Variants in CARS2 observed in about 807,000 individuals in gnomAD.
CARS2 encodes cysteinyl-tRNA synthetase 2, mitochondrial, also known as probable cysteine--tRNA ligase, mitochondrial.
Under a neutral mutation model 68.8 loss-of-function variants are expected in CARS2, and 52 were observed. The observed-to-expected ratio is 0.76, with a 90% CI of 0.61 to 0.95. The LOEUF is 0.95. Ranked by LOEUF, CARS2 falls within the 40% of genes least tolerant of loss-of-function variation. The pLI, the probability that CARS2 is intolerant of heterozygous loss-of-function variation, is 0.00. For synonymous variants in CARS2, 314 were observed against 303.6 expected (o/e 1.03, Z -0.36); for missense variants, 780 against 754.2 (o/e 1.03, Z -0.40).
At chr13:110,666,266 T>C (rs1338098410) in intron 8 of CARS2, 1 of 985,290 alleles carries the variant, frequency 1.0e-6, no homozygotes, top group Non-Finnish European at 1.2e-6. Flanking sequence ...GGCAGGCGTT[T>C]GTTCTGATTA....
In CARS2 at chr13:110,687,818, T is replaced by C; in HGVS notation, c.474A>G (p.Pro158=). 1 of 1,606,410 alleles carries C rather than the reference T, an allele frequency of 6.2e-7. No homozygotes were observed. Among genetic ancestry groups the C allele is most frequent in the Non-Finnish European group, 8.5e-7 (1 of 1,174,074 alleles). Residue 158 remains proline (P), a synonymous_variant, in exon 5 of 15, where the codon CCA becomes CCG. Coordinates refer to ENST00000257347, the MANE Select transcript of CARS2 (RefSeq NM_024537.4). ...KQDMAALKVL[P]PTVYLRVTEN... ...CGGTTACCCTCAGGTACACCGTGGG[T>C]GGGAGAACCTGCAAGGAAGTGGAGA... is the stretch of plus-strand genomic sequence containing the variant.
chr13:110,687,700 A>AG, intron 5 of CARS2, 21 bp downstream of exon 5: 1 of 1,476,660 alleles, frequency 6.8e-7, no homozygotes, highest in South Asian at 1.2e-5. Flanking sequence ...AAGAAAAAAA[A>AG]AAAAAGAACA....
Position 110,665,918 on chromosome 13 carries a change from T to C in CARS2, c.919+1422A>G. The C allele has an allele frequency of 1.0e-6, 1 of 985,380 alleles. No individual in the cohort carries two copies. The highest frequency in any genetic ancestry group is 1.7e-5 in the African/African-American group (1 of 57,334). 61.0% of individuals were successfully genotyped at this position (985,380 alleles called of 1,614,324 possible). A position where few individuals can be genotyped will look rare whatever the true frequency, so the allele number is the denominator to read the frequency against. On this transcript the variant is annotated intron_variant, in intron 8 of 14. Transcript: ENST00000257347. This position sits in a 1 kb window ranked among gnomAD's most constrained non-coding sequence, Gnocchi z 4.3. ...AACTAGTATTTGTTAATTTCCTGTA[T>C]TTCAGATGTCAAAGTTTGCATCTCC...
intron 2 of CARS2, among the ~76,000 whole-genome samples, chr13:110,702,193 G>A (rs770665263): frequency 1.2e-4 from 19 of 152,122 alleles, no homozygotes; most frequent in Admixed American, 6.6e-5. Context: ...TATCCATGTG[G>A]CCTAAATTTC....
chr13:110,706,201 G>A (rs1455386817), upstream of CARS2: 11 of 803,508 alleles, frequency 1.4e-5, no homozygotes, highest in African/African-American at 1.8e-5. Context: ...CGCCCTTGGG[G>A]CCACGCCCAC....
exon 1 of CARS2, chr13:110,713,239 T>A (rs2064058010): frequency 2.7e-5 from 38 of 1,385,998 alleles, no homozygotes; most frequent in Non-Finnish European, 3.5e-5. Flanking sequence ...CTACTTATAC[T>A]GCTCTGTGGG....
Position 110,642,391 on chromosome 13 carries a change from A to AGCT in CARS2, c.1544_1546dup (p.Gln515dup). 6.4e-7 allele frequency: 1 copy of AGCT among 1,570,040 alleles called. No individual in the cohort carries two copies. Among genetic ancestry groups the AGCT allele is most frequent in the Non-Finnish European group, 8.6e-7 (1 of 1,157,284 alleles). On this transcript the variant is annotated inframe_insertion, in exon 14 of 15. Transcript: ENST00000257347. Reference sequence around the variant, plus strand: ...TTCCAGCAGGGGCTGCCTTTCTAGGAGCTGCTGCCGCCGGGCGTCCCCCGT... The same window carrying AGCT: ...TTCCAGCAGGGGCTGCCTTTCTAGGAGCTGCTGCTGCCGCCGGGCGTCCCCCGT...
chr13:110,663,809 C>G, intron 8 of CARS2: 1 of 1,191,078 alleles, frequency 8.4e-7, no homozygotes, highest in Non-Finnish European at 1.0e-6. Flanking sequence ...GTGGTACTGA[C>G]AGCAGTATTT....
intron 3 of CARS2, among the ~76,000 whole-genome samples, chr13:110,693,317 T>G (rs1400016018): frequency 6.6e-6 from 1 of 151,966 alleles, no homozygotes; most frequent in African/African-American, 2.4e-5. Context: ...CAAGGAGTTG[T>G]AAGTGGAATA....
intron 9 of CARS2, among the ~76,000 whole-genome samples, chr13:110,657,830 G>A (rs547389274): frequency 1.3e-5 from 2 of 152,288 alleles, no homozygotes; most frequent in Admixed American, 1.3e-4. Flanking sequence ...GAGGGATCTG[G>A]TAGTCATTCC....
intron 9 of CARS2, among the ~76,000 whole-genome samples, chr13:110,652,749 G>A (rs1159574027): frequency 6.6e-6 from 1 of 152,228 alleles, no homozygotes; most frequent in Admixed American, 6.5e-5. Flanking sequence ...TAACACAGGG[G>A]TGCTCAACCT....
intron 9 of CARS2, among the ~76,000 whole-genome samples, chr13:110,655,387 A>C (rs1317081977): frequency 6.6e-6 from 1 of 152,266 alleles, no homozygotes; most frequent in African/African-American, 2.4e-5. Context: ...TTAAATGACC[A>C]TCAATAGGGG....
chr13:110,651,670 T>A (rs1419083633), intron 9 of CARS2, among the ~76,000 whole-genome samples: 1 of 152,246 alleles, frequency 6.6e-6, no homozygotes, highest in Non-Finnish European at 1.5e-5. Context: ...CCACCCAGCT[T>A]CTGGTTAAAC....
At chr13:110,687,912 C>A in intron 4 of CARS2, 35 bp downstream of exon 4, 1 of 1,581,612 alleles carries the variant, frequency 6.3e-7, no homozygotes, top group Non-Finnish European at 8.7e-7. Context: ...ACGCCTGTCA[C>A]CCTCATGGCA....
chr13:110,666,855 A>G (rs751513538), intron 8 of CARS2: 7 of 985,432 alleles, frequency 7.1e-6, no homozygotes, highest in Non-Finnish European at 8.4e-6. Flanking sequence ...AGTGCATCCA[A>G]GTGAATTCCA....
At position 110,687,830 on chromosome 13, in the gene CARS2, C is replaced by A; in HGVS notation, c.466-4G>T. The A allele has an allele frequency of 1.3e-6, 2 of 1,597,820 alleles. No individual in the cohort carries two copies. The highest frequency in any genetic ancestry group is 1.3e-5 in the African/African-American group (1 of 74,566). Reference sequence around the variant, plus strand: ...GGTACACCGTGGGTGGGAGAACCTGCAAGGAAGTGGAGACGTGACCGTGTT... The same window carrying A: ...GGTACACCGTGGGTGGGAGAACCTGAAAGGAAGTGGAGACGTGACCGTGTT... On this transcript the variant is annotated splice_polypyrimidine_tract_variant and splice_region_variant and intron_variant, in intron 4 of 14. Transcript: ENST00000257347.
At chr13:110,679,925 G>A (rs2063108660) in intron 6 of CARS2, among the ~76,000 whole-genome samples, 1 of 152,144 alleles carries the variant, frequency 6.6e-6, no homozygotes. Context: ...TGAAGCCCAC[G>A]AGCTCTCAGC....
chr13:110,647,268 GGTGCCCACCATGCT>G, intron 10 of CARS2, 29 bp from the exon 11 acceptor site: 1 of 1,603,454 alleles, frequency 6.2e-7, no homozygotes, highest in South Asian at 1.1e-5. Context: ...TCACTGAGGC[GGTGCCCACCATGCT>G]GTGCCCCTGC....
intron 7 of CARS2, among the ~76,000 whole-genome samples, chr13:110,675,803 C>T (rs533819551): frequency 5.3e-5 from 8 of 152,314 alleles, no homozygotes; most frequent in Admixed American, 4.6e-4. Flanking sequence ...TCTAAACGCG[C>T]GGCTGGGTAC....
Sources: gnomAD v4.1 joint callset for allele counts (sites outside exome capture counted in the v4.1 genomes callset) on GRCh38, gnomAD v4.1.1 for gene constraint, Gnocchi (gnomAD v3.1) non-coding constraint, MANE v1.5 for transcripts, NCBI Gene and HGNC (gene_info 2026-07-23, HGNC 2026-07-21) for gene names.